Variants in MAN1B1 observed in about 807,000 individuals in gnomAD.
The protein encoded by MAN1B1 is endoplasmic reticulum mannosyl-oligosaccharide 1,2-alpha-mannosidase.
In MAN1B1, 66 loss-of-function variants were observed where a neutral mutation model predicts 75.5. The observed-to-expected ratio is 0.87, with a 90% CI of 0.72 to 1.07. The LOEUF is 1.07. MAN1B1 is among the 50% of genes least tolerant of loss of function. The probability of loss-of-function intolerance (pLI) is 0.00; values close to 1 mark genes in which losing one functional copy is unlikely to be tolerated. For synonymous variants in MAN1B1, 453 were observed against 382.8 expected (o/e 1.18, Z -2.14); for missense variants, 973 against 912.5 (o/e 1.07, Z -0.85).
At chr9:137,091,073 A>G (rs1245828637) in intron 3 of MAN1B1, among the ~76,000 whole-genome samples, 2 of 152,202 alleles carry the variant, frequency 1.3e-5, no homozygotes, top group Non-Finnish European at 2.9e-5. Flanking sequence ...TTGATTGGCC[A>G]TGGGGCCACT....
At chr9:137,097,796 C>T (rs1209204854) in intron 4 of MAN1B1, 32 bp from the exon 5 acceptor site, 21 of 1,473,352 alleles carry the variant, frequency 1.4e-5, no homozygotes, top group Middle Eastern at 1.7e-4. Flanking sequence ...AAATGTTTGA[C>T]GGCAGCTGAC....
Position 137,107,528 on chromosome 9 carries a change from C to T in MAN1B1, c.1765-3C>T, listed in dbSNP as rs1221312624. The T allele has an allele frequency of 1.2e-6, 2 of 1,612,968 alleles. No homozygotes were observed. The highest frequency in any genetic ancestry group is 2.2e-5 in the East Asian group (1 of 44,884). Reference sequence around the variant, plus strand: ...CTTGCCCTGAGCTCTGCTCCGCCCACAGCCAGCAGACAGGCACAACCTGCT... The same window carrying T: ...CTTGCCCTGAGCTCTGCTCCGCCCATAGCCAGCAGACAGGCACAACCTGCT... On this transcript the variant is annotated splice_region_variant and splice_polypyrimidine_tract_variant and intron_variant, in intron 11 of 12. Transcript: ENST00000371589.
At chr9:137,108,180 C>T (rs527778220) in intron 12 of MAN1B1, 22 of 619,644 alleles carry the variant, frequency 3.6e-5, no homozygotes, top group African/African-American at 1.7e-4. Flanking sequence ...CGGTTTCTGT[C>T]GTGGTCACTT....
At position 137,092,468 on chromosome 9, in the gene MAN1B1, G is replaced by A. The variant is rs149807621; in HGVS notation, c.465+3463G>A. Among the ~76,000 whole-genome samples, 570 of 152,298 alleles carry A rather than the reference G, an allele frequency of 3.7e-3. 4 individuals are homozygous for A. Among genetic ancestry groups the A allele is most frequent in the Non-Finnish European group, 7.1e-3 (480 of 68,016 alleles). On this transcript the variant is annotated intron_variant, in intron 3 of 12. Transcript: ENST00000371589. Reference sequence around the variant, plus strand: ...AGGGTTAGGGGCTGGATTGGTCCCTGTTTCTTTTTTTATGCACATGAGAAT... The same window carrying A: ...AGGGTTAGGGGCTGGATTGGTCCCTATTTCTTTTTTTATGCACATGAGAAT...
At chr9:137,106,524 G>A (rs1205316568) in intron 9 of MAN1B1, 165 bp from the exon 10 acceptor site, 4 of 1,178,488 alleles carry the variant, frequency 3.4e-6, no homozygotes, top group Non-Finnish European at 4.9e-6. Flanking sequence ...GGGGGGTGAG[G>A]GGGGCATCTT....
chr9:137,101,210 C>T, intron 7 of MAN1B1, 57 bp downstream of exon 7: 1 of 1,599,784 alleles, frequency 6.3e-7, no homozygotes, highest in East Asian at 2.2e-5. Flanking sequence ...AAGCAGTTAC[C>T]CCTTTAGTGG....
Position 137,108,694 on chromosome 9 carries a change from C to T in MAN1B1, c.*103C>T, listed in dbSNP as rs1831207179. 1 of 1,103,898 alleles carries T rather than the reference C, an allele frequency of 9.1e-7. No homozygotes were observed. The highest frequency in any genetic ancestry group is 1.4e-6 in the Non-Finnish European group (1 of 723,550). 68.4% of individuals were successfully genotyped at this position (1,103,898 alleles called of 1,614,324 possible). ...CGTAGCACCGGCAACCGCCAAGTGGCCCAGGCTCTGAACTGGCTCTGGGCT... is the reference window on the plus strand; with the variant it reads ...CGTAGCACCGGCAACCGCCAAGTGGTCCAGGCTCTGAACTGGCTCTGGGCT... On this transcript the variant is annotated 3_prime_UTR_variant, in exon 13 of 13. Coordinates refer to ENST00000371589, the MANE Select transcript of MAN1B1 (RefSeq NM_016219.5).
At chr9:137,101,707 C>A in intron 8 of MAN1B1, 35 bp downstream of exon 8, 1 of 1,595,684 alleles carries the variant, frequency 6.3e-7, no homozygotes, top group Non-Finnish European at 8.5e-7. Context: ...GATGCGCCTC[C>A]CCTGGAGCTA....
chr9:137,088,427 A>G, intron 2 of MAN1B1: 2 of 1,555,496 alleles, frequency 1.3e-6, no homozygotes, highest in East Asian at 2.4e-5. Flanking sequence ...AGCCTCCCTT[A>G]TAGAGTAAGT....
At chr9:137,089,729 C>G (rs1830470305) in intron 3 of MAN1B1, among the ~76,000 whole-genome samples, 1 of 152,036 alleles carries the variant, frequency 6.6e-6, no homozygotes, top group African/African-American at 2.4e-5. Context: ...GGAGAGCTGC[C>G]TGGCCGTGGG....
chr9:137,105,842 C>T (rs771561667), intron 8 of MAN1B1: 13 of 602,216 alleles, frequency 2.2e-5, no homozygotes, highest in South Asian at 4.6e-5. Flanking sequence ...GCTGTCCCTT[C>T]GAGTAAGGGA....
chr9:137,100,629 G>A (rs1830783758), intron 6 of MAN1B1, among the ~76,000 whole-genome samples: 2 of 152,186 alleles, frequency 1.3e-5, no homozygotes, highest in African/African-American at 4.8e-5. Flanking sequence ...TTCAAACGTG[G>A]GTTTTTTGGA....
chr9:137,092,588 T>C (rs1259385963), intron 3 of MAN1B1, among the ~76,000 whole-genome samples: 1 of 152,254 alleles, frequency 6.6e-6, no homozygotes, highest in South Asian at 2.1e-4. Context: ...TCTTCATTTG[T>C]AAATGTCCCC....
At chr9:137,088,036 A>G in intron 1 of MAN1B1, 39 bp from the exon 2 acceptor site, 1 of 1,454,790 alleles carries the variant, frequency 6.9e-7, no homozygotes, top group Non-Finnish European at 9.7e-7. Context: ...TCCGTGTGAT[A>G]TATTCAGTAA....
chr9:137,098,286 C>T (rs1362400763), intron 5 of MAN1B1, among the ~76,000 whole-genome samples: 2 of 152,238 alleles, frequency 1.3e-5, no homozygotes, highest in East Asian at 1.9e-4. Flanking sequence ...TTCTCAGCAC[C>T]GTTTGTTGGG....
chr9:137,107,182 C>T (rs1359524948), intron 10 of MAN1B1, 68 bp from the exon 11 acceptor site: 8 of 1,543,402 alleles, frequency 5.2e-6, no homozygotes. Flanking sequence ...CCCACGTTGG[C>T]TGCCCGTGCA....
At chr9:137,099,336 G>A (rs1830743227) in intron 5 of MAN1B1, among the ~76,000 whole-genome samples, 1 of 152,256 alleles carries the variant, frequency 6.6e-6, no homozygotes, top group African/African-American at 2.4e-5. Flanking sequence ...TGCTGTCCCA[G>A]CGCCCTTGGG....
At chr9:137,108,208 C>T in intron 12 of MAN1B1, 180 bp from the exon 13 acceptor site, 1 of 640,942 alleles carries the variant, frequency 1.6e-6, no homozygotes, top group South Asian at 1.8e-5. Flanking sequence ...GTTGGCATTT[C>T]CAGGTGGGCT....
Position 137,107,566 on chromosome 9 carries a change from C to T in MAN1B1, c.1800C>T (p.Thr600=), listed in dbSNP as rs146417316. The change falls in exon 12 of 13, where the codon ACC becomes ACT. Residue 600 remains threonine, a synonymous_variant. Coordinates refer to ENST00000371589, the MANE Select transcript of MAN1B1 (RefSeq NM_016219.5). ...GGCACAACCTGCTGCGGCCAGAGAC[C>T]GTGGAGAGCCTGTTCTACCTGTACC... ...ADRHNLLRPE[T]VESLFYLYRV... 9.6e-4 allele frequency: 1,541 copies of T among 1,612,710 alleles called. 6 individuals are homozygous for T. Among genetic ancestry groups the T allele is most frequent in the Middle Eastern group, 6.1e-3 (37 of 6,062 alleles).
Sources: allele counts gnomAD v4.1 joint callset (sites outside exome capture counted in the v4.1 genomes callset), GRCh38; gene constraint gnomAD v4.1.1; transcripts MANE v1.5; gene names NCBI Gene and HGNC (gene_info 2026-07-23, HGNC 2026-07-21).